Variants in MYO1E observed in about 807,000 individuals in gnomAD.
MYO1E encodes unconventional myosin-Ie.
Under a neutral mutation model 151.1 loss-of-function variants are expected in MYO1E, and 68 were observed. The observed-to-expected ratio is 0.45, with a 90% CI of 0.37 to 0.55. The LOEUF (loss-of-function observed/expected upper bound fraction) is 0.55, where lower values mean the gene tolerates loss of function less well. Ranked by LOEUF, MYO1E falls within the 20% of genes least tolerant of loss-of-function variation. MYO1E has a pLI of 0.00. For synonymous variants in MYO1E, 601 were observed against 501.7 expected, an observed-to-expected ratio of 1.20 and a Z score of -2.64; for missense variants, 1,363 against 1,389.3, an observed-to-expected ratio of 0.98 and a Z score of 0.30.
At chr15:59,168,675 C>T (rs1231521297) in intron 22 of MYO1E, among the ~76,000 whole-genome samples, 1 of 152,092 alleles carries the variant, frequency 6.6e-6, no homozygotes, top group Non-Finnish European at 1.5e-5. Flanking sequence ...GGCTGGAGTG[C>T]AGTGGTATGA....
At chr15:59,203,931 G>T (rs1486026466) in intron 15 of MYO1E, among the ~76,000 whole-genome samples, 11 of 152,114 alleles carry the variant, frequency 7.2e-5, no homozygotes, top group African/African-American at 2.7e-4. Context: ...TTTCCAGGAA[G>T]TCTCCCCAGC....
intron 6 of MYO1E, among the ~76,000 whole-genome samples, chr15:59,229,430 T>C (rs187814351): frequency 1.2e-4 from 19 of 152,354 alleles, no homozygotes; most frequent in Non-Finnish European, 2.5e-4. Flanking sequence ...TGGCTCATAA[T>C]TGTCATATAA....
chr15:59,358,464 T>C (rs1482907356), intron 1 of MYO1E, among the ~76,000 whole-genome samples: 1 of 152,104 alleles, frequency 6.6e-6, no homozygotes, highest in East Asian at 1.9e-4. Flanking sequence ...AGTTGGAAGA[T>C]GGGTTTGGGG....
chr15:59,337,469 T>C (rs1200621799), intron 1 of MYO1E, among the ~76,000 whole-genome samples: 1 of 152,354 alleles, frequency 6.6e-6, no homozygotes, highest in East Asian at 1.9e-4. Flanking sequence ...AATTTCGCAT[T>C]TGGCAGAAAA....
At chr15:59,370,280 C>G (rs1371610942) in intron 1 of MYO1E, among the ~76,000 whole-genome samples, 2 of 152,202 alleles carry the variant, frequency 1.3e-5, no homozygotes, top group Admixed American at 1.3e-4. Context: ...CAGAGTCTGA[C>G]ATAAACATTA....
At chr15:59,334,074 C>T (rs1005684731) in intron 1 of MYO1E, among the ~76,000 whole-genome samples, 2 of 152,108 alleles carry the variant, frequency 1.3e-5, no homozygotes, top group East Asian at 3.9e-4. Flanking sequence ...GTGGAAGGAT[C>T]GCTTGAGACC....
intron 26 of MYO1E, among the ~76,000 whole-genome samples, chr15:59,146,566 C>T (rs1387766331): frequency 6.6e-6 from 1 of 152,050 alleles, no homozygotes; most frequent in East Asian, 1.9e-4. Context: ...CCTCCTGCCT[C>T]GGCCTCCAGA....
chr15:59,249,569 A>T (rs4238335), intron 4 of MYO1E, among the ~76,000 whole-genome samples: 69,084 of 152,064 alleles, frequency 0.45, 19,032 homozygotes, highest in Non-Finnish European at 0.63. Context: ...TATGGGCTGC[A>T]TTATGCCATC....
rs1342710892 is a variant in MYO1E, at chr15:59,132,969, T to TTC, written c.*4409_*4410dup. The TTC allele has an allele frequency of 6.6e-6, 1 of 152,204 alleles. No individual in the cohort carries two copies. Among genetic ancestry groups the TTC allele is most frequent in the Non-Finnish European group, 1.5e-5 (1 of 68,046 alleles). 9.4% of individuals were successfully genotyped at this position (152,204 alleles called of 1,614,324 possible). On this transcript the variant is annotated 3_prime_UTR_variant, in exon 28 of 28. Coordinates refer to ENST00000288235, the MANE Select transcript of MYO1E (RefSeq NM_004998.4). ...TGTTGAGTTTTATGCGTGAGTTTTC[T>TTC]TCTCTCTCTCTTTTTAAATAGACTT...
At chr15:59,258,056 A>G (rs186724082) in intron 3 of MYO1E, among the ~76,000 whole-genome samples, 15 of 152,254 alleles carry the variant, frequency 9.9e-5, no homozygotes, top group African/African-American at 3.6e-4. Context: ...ATATACAGAA[A>G]ATGGAAGTGA....
chr15:59,340,365 T>G (rs1727102320), intron 1 of MYO1E, among the ~76,000 whole-genome samples: 1 of 148,378 alleles, frequency 6.7e-6, no homozygotes, highest in Admixed American at 6.7e-5. Context: ...TAAGGCAAAC[T>G]TTTCACATTA....
rs549769248 is a variant in MYO1E, at chr15:59,159,670, C to T, written c.2786-1291G>A. 2.8e-4 allele frequency among the ~76,000 whole-genome samples: 43 copies of T among 152,268 alleles called. No individual in the cohort carries two copies. In the South Asian group the frequency reaches 8.5e-3, roughly 30 times the overall value. ...TCACTGAAAAATCGCTTCAGAAATCCCTCCAAAAGTTGCTGTCTGTTTTCT... is the reference window on the plus strand; with the variant it reads ...TCACTGAAAAATCGCTTCAGAAATCTCTCCAAAAGTTGCTGTCTGTTTTCT... On this transcript the variant is annotated intron_variant, in intron 24 of 27. Coordinates refer to ENST00000288235, the MANE Select transcript of MYO1E (RefSeq NM_004998.4). The surrounding 1 kb of genome is among the most constrained non-coding windows in gnomAD (Gnocchi z 4.4).
intron 1 of MYO1E, among the ~76,000 whole-genome samples, chr15:59,357,376 A>G (rs1395958698): frequency 1.3e-5 from 2 of 152,140 alleles, no homozygotes; most frequent in Admixed American, 1.3e-4. Flanking sequence ...ATTAGCAATT[A>G]TAAGATCTTT....
At chr15:59,196,891 T>C (rs563025503) in intron 16 of MYO1E, among the ~76,000 whole-genome samples, 2 of 151,990 alleles carry the variant, frequency 1.3e-5, no homozygotes, top group Non-Finnish European at 2.9e-5. Context: ...GACTGCAGGG[T>C]TGAATATAGC....
At chr15:59,312,056 T>A (rs2080555842) in intron 1 of MYO1E, among the ~76,000 whole-genome samples, 1 of 152,182 alleles carries the variant, frequency 6.6e-6, no homozygotes, top group South Asian at 2.1e-4. Context: ...GCAAACCAAA[T>A]GGACTACAAC....
At chr15:59,340,244 A>C (rs1169665101) in intron 1 of MYO1E, among the ~76,000 whole-genome samples, 2 of 152,134 alleles carry the variant, frequency 1.3e-5, no homozygotes, top group East Asian at 3.9e-4. Flanking sequence ...CAGGAGATCG[A>C]GGCTGCAGTG....
chr15:59,241,966 A>G (rs1566989838), intron 4 of MYO1E, among the ~76,000 whole-genome samples: 1 of 149,542 alleles, frequency 6.7e-6, no homozygotes, highest in Non-Finnish European at 1.5e-5. Flanking sequence ...AATAAATAAT[A>G]GGCCTTGACT....
intron 1 of MYO1E, among the ~76,000 whole-genome samples, chr15:59,361,087 C>T (rs1419969173): frequency 6.6e-6 from 1 of 152,140 alleles, no homozygotes; most frequent in Non-Finnish European, 1.5e-5. Context: ...CAAGCCAGAG[C>T]TAGACTGTTG....
Position 59,171,935 on chromosome 15 carries a change from C to T in MYO1E, c.2442G>A (p.Arg814=). 2 of 1,614,238 alleles carry T rather than the reference C, an allele frequency of 1.2e-6. No individual in the cohort carries two copies. Among genetic ancestry groups the T allele is most frequent in the Non-Finnish European group, 1.7e-6 (2 of 1,180,044 alleles). The part of the protein sequence containing the change: ...DKGLVKEVLK[R]KIEIERILSV... The stretch of plus-strand genomic sequence containing the variant: ...ACAAGATCCGTTCTATCTCGATTTT[C>T]CGCTTCAGGACTTCTTTCACCAGGC... Residue 814 remains arginine, a synonymous_variant, in exon 22 of 28, where the codon CGG becomes CGA. Transcript: ENST00000288235.
Sources: gnomAD v4.1 joint callset for allele counts (sites outside exome capture counted in the v4.1 genomes callset) on GRCh38, gnomAD v4.1.1 for gene constraint, Gnocchi (gnomAD v3.1) non-coding constraint, MANE v1.5 for transcripts, NCBI Gene and HGNC (gene_info 2026-07-23, HGNC 2026-07-21) for gene names.